GIT1: variants seen among roughly 807,000 people sequenced by gnomAD.
GIT1 encodes the protein ARF GTPase-activating protein GIT1.
GIT1 carries 14 observed loss-of-function variants against 91.7 expected under a neutral mutation model. That is an observed-to-expected ratio of 0.15 (90% CI 0.10 to 0.24). The LOEUF is 0.24. Ranked by LOEUF, GIT1 falls within the 10% of genes least tolerant of loss-of-function variation. The probability of loss-of-function intolerance (pLI) is 1.00; values close to 1 mark genes in which losing one functional copy is unlikely to be tolerated. For missense variants in GIT1, 717 were observed against 1,024.9 expected (o/e 0.70, Z 4.10); for synonymous variants, 414 against 418.2 (o/e 0.99, Z 0.12).
At chr17:29,586,989 T>C (rs2033614401) in intron 1 of GIT1, among the ~76,000 whole-genome samples, 2 of 152,054 alleles carry the variant, frequency 1.3e-5, no homozygotes, top group Admixed American at 1.3e-4. Context: ...AGGATGGGGC[T>C]CTCTGGGGAC....
At chr17:29,585,949 C>T (rs543152136) in intron 1 of GIT1, among the ~76,000 whole-genome samples, 118 of 152,278 alleles carry the variant, frequency 7.7e-4, no homozygotes, top group Middle Eastern at 6.8e-3. Context: ...GCCTCTACTA[C>T]GGTGAATTCC....
Position 29,575,541 on chromosome 17 carries a change from C to G in GIT1, c.1827-71G>C, listed in dbSNP as rs1420677947. On this transcript the variant is annotated intron_variant, in intron 17 of 19. Transcript: ENST00000225394. The surrounding 1 kb of genome is among the most constrained non-coding windows in gnomAD (Gnocchi z 5.5). ...AAGACACGTTCCAGCCTCGGAGCCG[C>G]CCGCCTTGGTCCTCACACACTGGGG... 2 of 1,562,676 alleles carry G rather than the reference C, an allele frequency of 1.3e-6. No individual in the cohort carries two copies. The highest frequency in any genetic ancestry group is 3.5e-5 in the Admixed American group (2 of 57,276).
At position 29,576,124 on chromosome 17, in the gene GIT1, T is replaced by C; in HGVS notation, c.1619A>G (p.Glu540Gly). The stretch of plus-strand genomic sequence containing the variant: ...GTGCACTGAATAGATGGCGTCGTCC[T>C]CTAGCTCCTGGGGATGTTAGCACAG... ...RLQPFHSTEL[E>G]DDAIYSVHVP... The change falls in exon 15 of 20, where the codon GAG becomes GGG. Residue 540 changes from glutamate (E) to glycine (G), a missense_variant. This residue lies in a region of GIT1 where 312 missense variants were observed against 349.5 expected (regional missense o/e 0.89). Transcript: ENST00000225394. 1 of 1,613,794 alleles carries C rather than the reference T, an allele frequency of 6.2e-7. No homozygotes were observed. The highest frequency in any genetic ancestry group is 8.5e-7 in the Non-Finnish European group (1 of 1,179,946).
At chr17:29,585,877 A>G (rs2033578800) in intron 1 of GIT1, among the ~76,000 whole-genome samples, 1 of 152,110 alleles carries the variant, frequency 6.6e-6, no homozygotes, top group African/African-American at 2.4e-5. Flanking sequence ...ATGGGTCTGT[A>G]TGTGTGGAGA....
Position 29,581,096 on chromosome 17 carries a change from A to G in GIT1, c.761+242T>C. On this transcript the variant is annotated intron_variant, in intron 7 of 19. Coordinates refer to ENST00000225394, the MANE Select transcript of GIT1 (RefSeq NM_014030.4). This position sits in a 1 kb window ranked among gnomAD's most constrained non-coding sequence, Gnocchi z 4.8. ...GCCCGGCCCACAGGTAGCTTCTCAC[A>G]CCCAAGCCCTCCATGTACTTGACAG... 1 of 563,088 alleles carries G rather than the reference A, an allele frequency of 1.8e-6. No homozygotes were observed. Among genetic ancestry groups the G allele is most frequent in the Non-Finnish European group, 3.2e-6 (1 of 313,344 alleles). The allele number at this position is 563,088 out of a possible 1,614,324, so 34.9% of individuals were successfully genotyped here. A position where few individuals can be genotyped will look rare whatever the true frequency, so the allele number is the denominator to read the frequency against.
At position 29,575,451 on chromosome 17, in the gene GIT1, G is replaced by A. The variant is rs2033157778; in HGVS notation, c.1846C>T (p.Leu616=). 2 of 1,609,222 alleles carry A rather than the reference G, an allele frequency of 1.2e-6. No homozygotes were observed. The highest frequency in any genetic ancestry group is 1.7e-6 in the Non-Finnish European group (2 of 1,177,746). ...AAGTCTTCCTCTTTGCCCAGCTCTA[G>A]AAACCTCTTCCCTTCCAGCCTGAGG... The part of the protein sequence containing the change: ...PLLGLEGKRF[L]ELGKEEDFHP... Residue 616 remains leucine (L), a synonymous_variant, in exon 18 of 20, where the codon CTA becomes TTA. Transcript: ENST00000225394. The surrounding 1 kb of genome is among the most constrained non-coding windows in gnomAD (Gnocchi z 5.5).
Position 29,578,896 on chromosome 17 carries a change from T to C in GIT1, c.762-117A>G, listed in dbSNP as rs1238084596. Reference sequence around the variant, plus strand: ...CCCGGGGAGATGGCACCCCAGATGCTGCACACCAAATGCCTCCCCGCCCTA... The same window carrying C: ...CCCGGGGAGATGGCACCCCAGATGCCGCACACCAAATGCCTCCCCGCCCTA... On this transcript the variant is annotated intron_variant, in intron 7 of 19. Coordinates refer to ENST00000225394, the MANE Select transcript of GIT1 (RefSeq NM_014030.4). 23 of 1,581,198 alleles carry C rather than the reference T, an allele frequency of 1.5e-5. No individual in the cohort carries two copies. The Middle Eastern group carries it at 5.0e-4, about 34-fold the overall frequency.
intron 7 of GIT1, among the ~76,000 whole-genome samples, chr17:29,580,767 T>C (rs1323973292): frequency 6.6e-6 from 1 of 151,122 alleles, no homozygotes; most frequent in Non-Finnish European, 1.5e-5. Flanking sequence ...GTAGCTTCTG[T>C]TTCTTTTTCT....
chr17:29,575,879 G>A lies in GIT1; in HGVS notation c.1685C>T (p.Ala562Val), dbSNP rs762974646. 1.2e-6 allele frequency: 2 copies of A among 1,610,236 alleles called. No homozygotes were observed. The highest frequency in any genetic ancestry group is 1.7e-5 in the Admixed American group (1 of 59,428). The change falls in exon 16 of 20, where the codon GCC (alanine) becomes GTC (valine). Residue 562 changes from alanine (A) to valine (V), a missense_variant. Physicochemically the swap from Ala to Val is moderately conservative, Grantham distance 64. This residue lies in a region of GIT1 where 312 missense variants were observed against 349.5 expected (regional missense o/e 0.89). Transcript: ENST00000225394. The surrounding 1 kb of genome is among the most constrained non-coding windows in gnomAD (Gnocchi z 5.5). ...GLYRIRKGVS[A>V]SAVPFTPSSP... ...GGAGGGAGTGAAGGGCACAGCTGAGGCAGACACCCCTTTCCGGATCTGAAA... is the reference window on the plus strand; with the variant it reads ...GGAGGGAGTGAAGGGCACAGCTGAGACAGACACCCCTTTCCGGATCTGAAA...
rs555448142 is a variant in GIT1, at chr17:29,589,216, C to G, written c.52+111G>C. 663 of 292,650 alleles carry G rather than the reference C, an allele frequency of 2.3e-3. 5 individuals are homozygous for G. The highest frequency in any genetic ancestry group is 0.014 in the African/African-American group (630 of 43,990). The allele number at this position is 292,650 out of a possible 1,614,324, so 18.1% of individuals were successfully genotyped here. On this transcript the variant is annotated intron_variant, in intron 1 of 19. Coordinates refer to ENST00000225394, the MANE Select transcript of GIT1 (RefSeq NM_014030.4). The surrounding 1 kb of genome is among the most constrained non-coding windows in gnomAD (Gnocchi z 5.2). ...CGGGGGCCCAGCCTGGAGGCCGCAG[C>G]CCCCCGCCCCGCCCAGCCCTCCGGC... is the stretch of plus-strand genomic sequence containing the variant.
At chr17:29,586,240 G>C (rs914019529) in intron 1 of GIT1, among the ~76,000 whole-genome samples, 2 of 152,220 alleles carry the variant, frequency 1.3e-5, no homozygotes, top group African/African-American at 4.8e-5. Flanking sequence ...GGCCCAGGCA[G>C]CTTTGAATGT....
At position 29,577,137 on chromosome 17, in the gene GIT1, T is replaced by G; in HGVS notation, c.1092A>C (p.Thr364=). 6.2e-7 allele frequency: 1 copy of G among 1,613,080 alleles called. No homozygotes were observed. The change falls in exon 11 of 20, where the codon ACA becomes ACC. Residue 364 remains threonine (T), a splice_region_variant and synonymous_variant. Transcript: ENST00000225394. ...CACCCTCCCACACAACCCTCCCACCTGTGGGGCTGCTCAGGCTCTTGCCCT... is the reference window on the plus strand; with the variant it reads ...CACCCTCCCACACAACCCTCCCACCGGTGGGGCTGCTCAGGCTCTTGCCCT... The part of the protein sequence containing the change: ...RQQGKSLSSP[T]DNLELSLRSQ...
chr17:29,584,040 A>G (rs1434528817), intron 1 of GIT1, among the ~76,000 whole-genome samples: 1 of 152,220 alleles, frequency 6.6e-6, no homozygotes, highest in Admixed American at 6.5e-5. Flanking sequence ...TGCCTGACAG[A>G]TCACACCCGT....
intron 1 of GIT1, among the ~76,000 whole-genome samples, chr17:29,588,342 C>T (rs990387898): frequency 6.6e-6 from 1 of 152,232 alleles, no homozygotes; most frequent in African/African-American, 2.4e-5. Flanking sequence ...TGCAGAGCCC[C>T]GTCACTGGCT....
rs372464082 is a variant in GIT1 at position 29,577,746 on chromosome 17, T to C, written c.884-4A>G. The C allele has an allele frequency of 2.1e-5, 33 of 1,586,666 alleles. No individual in the cohort carries two copies. The highest frequency in any genetic ancestry group is 2.7e-5 in the African/African-American group (2 of 74,400). ...TGGTTTTGGGTAGCCAGCCACACTG[T>C]AGGGGACGGACAGGAGCAGATCAGC... On this transcript the variant is annotated splice_region_variant and splice_polypyrimidine_tract_variant and intron_variant, in intron 9 of 19. Coordinates refer to ENST00000225394, the MANE Select transcript of GIT1 (RefSeq NM_014030.4).
chr17:29,576,747 G>C, intron 12 of GIT1, 73 bp from the exon 13 acceptor site: 1 of 1,595,828 alleles, frequency 6.3e-7, no homozygotes, highest in Non-Finnish European at 8.6e-7. Flanking sequence ...CAGTTATTGA[G>C]GCTAGGAGCA....
At chr17:29,587,330 C>T (rs971323787) in intron 1 of GIT1, among the ~76,000 whole-genome samples, 26 of 152,184 alleles carry the variant, frequency 1.7e-4, no homozygotes, top group Admixed American at 2.6e-4. Context: ...GGAGTGCCTG[C>T]CATGTGCTGG....
chr17:29,577,157 T>C lies in GIT1; in HGVS notation c.1072A>G (p.Lys358Glu), dbSNP rs370531367. Reference sequence around the variant, plus strand: ...CCACCTGTGGGGCTGCTCAGGCTCTTGCCCTGCTGTCTCCGCTTGGCCTCA... The same window carrying C: ...CCACCTGTGGGGCTGCTCAGGCTCTCGCCCTGCTGTCTCCGCTTGGCCTCA... ...LSEAKRRQQG[K>E]SLSSPTDNLE... is the part of the protein sequence containing the mutation. The change falls in exon 11 of 20, where the codon AAG (lysine) becomes GAG (glutamate). Residue 358 changes from lysine to glutamate, a missense_variant. Coordinates refer to ENST00000225394, the MANE Select transcript of GIT1 (RefSeq NM_014030.4). The C allele has an allele frequency of 5.6e-6, 9 of 1,613,804 alleles. No individual in the cohort carries two copies. Among genetic ancestry groups the C allele is most frequent in the Non-Finnish European group, 6.8e-6 (8 of 1,179,960 alleles).
chr17:29,583,375 G>A, intron 2 of GIT1, 108 bp downstream of exon 2: 1 of 1,224,184 alleles, frequency 8.2e-7, no homozygotes. Flanking sequence ...CTGCCCCTTG[G>A]AAGCTGCAGA....
Sources: allele counts gnomAD v4.1 joint callset (sites outside exome capture counted in the v4.1 genomes callset), GRCh38; gene constraint gnomAD v4.1.1; regional missense constraint gnomAD v4.1.1; non-coding constraint Gnocchi (gnomAD v3.1); transcripts MANE v1.5; gene names NCBI Gene and HGNC (gene_info 2026-07-23, HGNC 2026-07-21).